Variants in HLTF observed in about 807,000 individuals in gnomAD.
HLTF encodes helicase like transcription factor, also known as DNA-dependent ATPase/E3 ubiquitin-protein ligase HLTF.
HLTF carries 127 observed loss-of-function variants against 129.4 expected under a neutral mutation model. The observed-to-expected ratio is 0.98, with a 90% confidence interval of 0.85 to 1.14. HLTF has a LOEUF of 1.14. HLTF is among the 50% of genes most tolerant of loss of function. The pLI is 0.00. For synonymous variants in HLTF, 332 were observed against 388.8 expected, an observed-to-expected ratio of 0.85 and a Z score of 1.72; for missense variants, 1,139 against 1,187.1, an observed-to-expected ratio of 0.96 and a Z score of 0.60.
intron 10 of HLTF, chr3:149,063,106 C>T: frequency 2.2e-6 from 1 of 461,746 alleles, no homozygotes; most frequent in Non-Finnish European, 4.3e-6. Context: ...GTCACCCAGG[C>T]TGCAGTGCAG....
intron 23 of HLTF, among the ~76,000 whole-genome samples, chr3:149,035,879 T>A (rs1299729452): frequency 6.6e-6 from 1 of 152,086 alleles, no homozygotes; most frequent in African/African-American, 2.4e-5. Flanking sequence ...CTCACGCCTG[T>A]AATCCCAGCA....
chr3:149,084,665 T>G lies in HLTF; in HGVS notation c.228+17A>C, dbSNP rs1720187314. ...CAGAAATATAATCAAAATTTAATTA[T>G]CTACTATTATACTCACTACTCCCGT... On this transcript the variant is annotated intron_variant, in intron 2 of 24. Coordinates refer to ENST00000310053, the MANE Select transcript of HLTF (RefSeq NM_003071.4). 2 of 1,526,344 alleles carry G rather than the reference T, an allele frequency of 1.3e-6. No homozygotes were observed. The highest frequency in any genetic ancestry group is 4.5e-5 in the East Asian group (2 of 44,372). 94.6% of individuals were successfully genotyped at this position (1,526,344 alleles called of 1,614,324 possible).
At chr3:149,075,438 G>A (rs1310876642) in intron 3 of HLTF, among the ~76,000 whole-genome samples, 4 of 152,180 alleles carry the variant, frequency 2.6e-5, no homozygotes, top group Non-Finnish European at 5.9e-5. Context: ...AGCTACTCAG[G>A]AGGCTAAGGC....
intron 2 of HLTF, among the ~76,000 whole-genome samples, chr3:149,078,131 G>A (rs1170060607): frequency 1.3e-5 from 2 of 151,780 alleles, no homozygotes; most frequent in African/African-American, 4.8e-5. Context: ...TACAAGACAT[G>A]CAAAAAAAAT....
chr3:149,047,878 T>C (rs1716684761), intron 17 of HLTF, 150 bp downstream of exon 17: 1 of 484,022 alleles, frequency 2.1e-6, no homozygotes, highest in Non-Finnish European at 3.5e-6. Context: ...CAAGCATCAC[T>C]AGGTTCTGAA....
intron 12 of HLTF, among the ~76,000 whole-genome samples, chr3:149,060,059 G>A (rs1717792654): frequency 6.6e-6 from 1 of 152,108 alleles, no homozygotes; most frequent in South Asian, 2.1e-4. Flanking sequence ...GCAGTCATAT[G>A]CAAAGTAATT....
In HLTF at chr3:149,071,611, T is replaced by C; in HGVS notation, c.674A>G (p.Asp225Gly). Residue 225 changes from aspartate (D) to glycine (G), a missense_variant, in exon 6 of 25, where the codon GAT becomes GGT. Asp to Gly is a moderately conservative substitution (Grantham distance 94, BLOSUM62 -1). Coordinates refer to ENST00000310053, the MANE Select transcript of HLTF (RefSeq NM_003071.4). Reference protein sequence around the residue: ...DKLFEDLKEDDKTHEMEPAEA... With the variant: ...DKLFEDLKEDGKTHEMEPAEA... ...AGCTGGTTCCATTTCATGGGTTTTA[T>C]CATCTTCTTTTAAATCTTCAAACAA... The C allele has an allele frequency of 3.1e-6, 5 of 1,598,080 alleles. No homozygotes were observed. The highest frequency in any genetic ancestry group is 4.3e-6 in the Non-Finnish European group (5 of 1,168,340).
intron 2 of HLTF, among the ~76,000 whole-genome samples, chr3:149,078,857 A>C (rs1576626696): frequency 1.7e-5 from 1 of 60,568 alleles, no homozygotes; most frequent in African/African-American, 8.4e-5. Flanking sequence ...ACTCCGTCTC[A>C]AAAAAAAAAA....
chr3:149,046,331 G>T, intron 17 of HLTF, 72 bp from the exon 18 acceptor site: 1 of 844,004 alleles, frequency 1.2e-6, no homozygotes, highest in Non-Finnish European at 1.7e-6. Context: ...GAACGAAACA[G>T]AACATTTTAA....
chr3:149,038,434 G>A (rs1176695399), intron 23 of HLTF, among the ~76,000 whole-genome samples: 1 of 152,186 alleles, frequency 6.6e-6, no homozygotes, highest in African/African-American at 2.4e-5. Context: ...ATTACTAACT[G>A]TATGATACTG....
chr3:149,077,717 T>C (rs1719498786), intron 2 of HLTF, among the ~76,000 whole-genome samples: 1 of 151,588 alleles, frequency 6.6e-6, no homozygotes, highest in Non-Finnish European at 1.5e-5. Flanking sequence ...AAGAAAGACC[T>C]GAGAAGGCCC....
chr3:149,064,853 T>C lies in HLTF; in HGVS notation c.1004A>G (p.Asn335Ser). The C allele has an allele frequency of 6.3e-7, 1 of 1,590,618 alleles. No individual in the cohort carries two copies. Among genetic ancestry groups the C allele is most frequent in the Non-Finnish European group, 8.6e-7 (1 of 1,159,460 alleles). ...TCCTCCAAGTTTCATAGAGTCATCGTTAACATTATATTCCTGGGTAAATAG... is the reference window on the plus strand; with the variant it reads ...TCCTCCAAGTTTCATAGAGTCATCGCTAACATTATATTCCTGGGTAAATAG... ...KNLLKKEYNV[N>S]DDSMKLGGNN... Residue 335 changes from asparagine (N) to serine (S), a missense_variant, in exon 9 of 25, where the codon AAC becomes AGC. Asn to Ser is a conservative substitution (Grantham distance 46, BLOSUM62 1). Coordinates refer to ENST00000310053, the MANE Select transcript of HLTF (RefSeq NM_003071.4).
At position 149,032,159 on chromosome 3, in the gene HLTF, A is replaced by G; in HGVS notation, c.*61T>C. On this transcript the variant is annotated 3_prime_UTR_variant, in exon 25 of 25. Transcript: ENST00000310053. ...CTAGATCTCATTTCTAAAACTCTGT[A>G]TTTTTCTCATTTCTAAAACTTAAGT... 1 of 1,273,076 alleles carries G rather than the reference A, an allele frequency of 7.9e-7. No individual in the cohort carries two copies. Among genetic ancestry groups the G allele is most frequent in the Non-Finnish European group, 1.1e-6 (1 of 933,156 alleles). The allele number at this position is 1,273,076 out of a possible 1,614,324, so 78.9% of individuals were successfully genotyped here. A position where few individuals can be genotyped will look rare whatever the true frequency, so the allele number is the denominator to read the frequency against.
At chr3:149,043,549 A>C (rs936269311) in intron 18 of HLTF, among the ~76,000 whole-genome samples, 3 of 131,648 alleles carry the variant, frequency 2.3e-5, no homozygotes, top group Non-Finnish European at 4.9e-5. Flanking sequence ...TTCAGAGGGA[A>C]AAAAAAAAAA....
intron 2 of HLTF, among the ~76,000 whole-genome samples, chr3:149,077,511 G>C (rs1193313428): frequency 6.6e-6 from 1 of 151,936 alleles, no homozygotes; most frequent in Non-Finnish European, 1.5e-5. Context: ...CAATTTTACA[G>C]GAAAGTGTTT....
At chr3:149,068,750 G>A (rs910023230) in intron 7 of HLTF, among the ~76,000 whole-genome samples, 1 of 152,056 alleles carries the variant, frequency 6.6e-6, no homozygotes, top group African/African-American at 2.4e-5. Flanking sequence ...ATAATACCAA[G>A]CTTAAAAGTC....
intron 1 of HLTF, among the ~76,000 whole-genome samples, chr3:149,085,352 G>A (rs545927088): frequency 1.1e-4 from 16 of 152,266 alleles, no homozygotes; most frequent in Admixed American, 5.2e-4. Flanking sequence ...AGCCAGGCGT[G>A]GTGGCGCCCA....
rs575865869 is a variant in HLTF at position 149,054,526 on chromosome 3, G to A, written c.1473+777C>T. ...CAGATAACTTGGAAGTGGCAAGAAC[G>A]GTGAGTGGTCCTTATATTCACAGGG... On this transcript the variant is annotated intron_variant, in intron 14 of 24. Transcript: ENST00000310053. Among the ~76,000 whole-genome samples, 11 of 152,172 alleles carry A rather than the reference G, an allele frequency of 7.2e-5. 1 individual carries two copies. Among genetic ancestry groups the A allele is most frequent in the African/African-American group, 2.2e-4 (9 of 41,514 alleles).
chr3:149,086,525 C>A lies in HLTF; in HGVS notation c.-189G>T. 1 of 634,042 alleles carries A rather than the reference C, an allele frequency of 1.6e-6. No homozygotes were observed. Among genetic ancestry groups the A allele is most frequent in the Non-Finnish European group, 2.8e-6 (1 of 361,504 alleles). 39.3% of individuals were successfully genotyped at this position (634,042 alleles called of 1,614,324 possible). Reference sequence around the variant, plus strand: ...CAGACGTCGACGCCGTCTCCTTCTGCAACAATCTGGGAGACCAGCGTCGCT... The same window carrying A: ...CAGACGTCGACGCCGTCTCCTTCTGAAACAATCTGGGAGACCAGCGTCGCT... On this transcript the variant is annotated 5_prime_UTR_variant, in exon 1 of 25. Transcript: ENST00000310053.
Sources: allele counts gnomAD v4.1 joint callset (sites outside exome capture counted in the v4.1 genomes callset), GRCh38; gene constraint gnomAD v4.1.1; transcripts MANE v1.5; gene names NCBI Gene and HGNC (gene_info 2026-07-23, HGNC 2026-07-21).